COL6A5: variants seen among roughly 807,000 people sequenced by gnomAD.
COL6A5 encodes collagen type VI alpha 5 chain, also known as collagen alpha-5(VI) chain.
Under a neutral mutation model 65.6 loss-of-function variants are expected in COL6A5, and 48 were observed. The ratio of observed to expected loss-of-function variants is 0.73; its 90% CI spans 0.58 to 0.93. The LOEUF is 0.93. Among genes scored for constraint, COL6A5 ranks in the 40% least tolerant of loss-of-function variants. The probability of loss-of-function intolerance (pLI) is 0.00; values close to 1 mark genes in which losing one functional copy is unlikely to be tolerated. For missense variants in COL6A5, 914 were observed against 928.3 expected (o/e 0.98, Z 0.20); for synonymous variants, 291 against 322.8 (o/e 0.90, Z 1.05).
At chr3:130,413,820 T>TTA (rs1937256153) in intron 21 of COL6A5, among the ~76,000 whole-genome samples, 1 of 85,058 alleles carries the variant, frequency 1.2e-5, no homozygotes, top group African/African-American at 3.1e-5. Context: ...ATTCCAAATA[T>TTA]TGTGCATTTG....
intron 16 of COL6A5, 24 bp downstream of exon 16, chr3:130,406,199 C>CATA (rs761921638): frequency 1.4e-5 from 21 of 1,549,858 alleles, no homozygotes; most frequent in Non-Finnish European, 1.8e-5. Flanking sequence ...CTTCAAGTAT[C>CATA]ATAAAACTGT....
Position 130,380,001 on chromosome 3 carries a change from A to G in COL6A5, c.1251A>G (p.Ile417Met), listed in dbSNP as rs1389331181. ...TCCTGAAAAAGCTCCAGAATGAAAT[A>G]TGGTCCCAAATTTCTACTTATGCTG... The change falls in exon 4 of 42, where the codon ATA becomes ATG. Residue 417 changes from isoleucine to methionine, a missense_variant and NMD_transcript_variant. Ile to Met is a conservative substitution (Grantham distance 10). Transcript: ENST00000312481. 2 of 1,549,584 alleles carry G rather than the reference A, an allele frequency of 1.3e-6. No homozygotes were observed. Among genetic ancestry groups the G allele is most frequent in the Non-Finnish European group, 1.7e-6 (2 of 1,145,936 alleles).
chr3:130,373,666 C>T, exon 2 of COL6A5: 4 of 1,542,036 alleles, frequency 2.6e-6, no homozygotes, highest in Admixed American at 2.0e-5. Flanking sequence ...TATATTTGTC[C>T]TAATCATTTG....
At chr3:130,425,338 A>G (rs1020874846) in intron 29 of COL6A5, among the ~76,000 whole-genome samples, 1 of 152,114 alleles carries the variant, frequency 6.6e-6, no homozygotes, top group African/African-American at 2.4e-5. Context: ...GTCATTTAGA[A>G]CAGAGGTTCT....
intron 8 of COL6A5, among the ~76,000 whole-genome samples, 176 bp from the exon 9 acceptor site, chr3:130,397,407 A>G (rs1420521222): frequency 1.3e-5 from 2 of 152,004 alleles, no homozygotes; most frequent in Non-Finnish European, 2.9e-5. Context: ...ATGTATATAT[A>G]TGATATATGT....
intron 1 of COL6A5, among the ~76,000 whole-genome samples, chr3:130,346,501 A>C (rs992809221): frequency 6.6e-6 from 1 of 152,168 alleles, no homozygotes; most frequent in Non-Finnish European, 1.5e-5. Flanking sequence ...AATAACTTCT[A>C]AACACTCTTG....
At chr3:130,433,562 C>G (rs1937907327) in intron 1 of COL6A5, among the ~76,000 whole-genome samples, 1 of 152,100 alleles carries the variant, frequency 6.6e-6, no homozygotes. Context: ...TCTTCCCTGC[C>G]TTGCACTCTT....
chr3:130,401,505 C>T (rs2107664588), intron 11 of COL6A5, among the ~76,000 whole-genome samples: 1 of 152,314 alleles, frequency 6.6e-6, no homozygotes, highest in Middle Eastern at 3.4e-3. Flanking sequence ...CAAAGTTGGG[C>T]CATGGCCATC....
At chr3:130,380,116 G>A in intron 4 of COL6A5, 66 bp downstream of exon 4, 1 of 1,167,100 alleles carries the variant, frequency 8.6e-7, no homozygotes, top group Non-Finnish European at 1.2e-6. Flanking sequence ...GACTAGGGTG[G>A]GAGTGAGGAT....
chr3:130,441,698 T>A (rs1261919440), intron 3 of COL6A5, among the ~76,000 whole-genome samples: 2 of 152,168 alleles, frequency 1.3e-5, no homozygotes, highest in Non-Finnish European at 2.9e-5. Flanking sequence ...GAGGCATTAT[T>A]TGACAGTCAC....
At position 130,471,670 on chromosome 3, in the gene COL6A5, C is replaced by T; in HGVS notation, c.2328+703C>T. On this transcript the variant is annotated intron_variant, in intron 7 of 7. Transcript: ENST00000512836. ...CTAACTAATTTTTTATCTCTCTTCT[C>T]TATTACCTCAGACTTCTTCCTGGGA... The T allele has an allele frequency of 6.5e-7, 1 of 1,533,298 alleles. No homozygotes were observed. Among genetic ancestry groups the T allele is most frequent in the Non-Finnish European group, 8.7e-7 (1 of 1,145,378 alleles). The allele number at this position is 1,533,298 out of a possible 1,614,324, so 95.0% of individuals were successfully genotyped here.
chr3:130,395,497 G>T, intron 8 of COL6A5, 32 bp downstream of exon 8: 1 of 1,473,374 alleles, frequency 6.8e-7, no homozygotes, highest in Non-Finnish European at 9.1e-7. Flanking sequence ...TTCTTCCATG[G>T]AAACTTCTCA....
chr3:130,468,718 T>C (rs1489946428), intron 5 of COL6A5, 77 bp from the exon 38 acceptor site: 20 of 930,302 alleles, frequency 2.1e-5, no homozygotes, highest in Non-Finnish European at 1.6e-5. Flanking sequence ...CCTCATGCTG[T>C]GTATTTGCCA....
chr3:130,409,540 G>C (rs1559886464), intron 18 of COL6A5, among the ~76,000 whole-genome samples, 152 bp downstream of exon 18: 1 of 152,160 alleles, frequency 6.6e-6, no homozygotes, highest in Non-Finnish European at 1.5e-5. Context: ...GGAAAAGTCT[G>C]TTTGTGTCTT....
At position 130,460,060 on chromosome 3, in the gene COL6A5, C is replaced by T. The variant is rs76324845; in HGVS notation, c.1544+4394C>T. On this transcript the variant is annotated intron_variant, in intron 5 of 7. Coordinates refer to ENST00000512836, the Ensembl canonical transcript of COL6A5. ...CTCAATTTTGCTGTCATGTATCAAACTTGAATGTATATTTTTACTTGGGCT... is the reference window on the plus strand; with the variant it reads ...CTCAATTTTGCTGTCATGTATCAAATTTGAATGTATATTTTTACTTGGGCT... Among the ~76,000 whole-genome samples the T allele has an allele frequency of 5.7e-3, 862 of 152,028 alleles. 6 individuals are homozygous for T. Among genetic ancestry groups the T allele is most frequent in the African/African-American group, 0.02 (814 of 41,488 alleles).
intron 1 of COL6A5, among the ~76,000 whole-genome samples, chr3:130,349,311 C>T (rs528015478): frequency 6.6e-6 from 1 of 152,314 alleles, no homozygotes; most frequent in South Asian, 2.1e-4. Context: ...AATGGAAGAA[C>T]ACCATCTTTG....
rs1390678267 is a variant in COL6A5 at position 130,373,600 on chromosome 3, T to C, written c.-28-11T>C. 2 of 1,257,778 alleles carry C rather than the reference T, an allele frequency of 1.6e-6. No homozygotes were observed. Among genetic ancestry groups the C allele is most frequent in the Non-Finnish European group, 2.2e-6 (2 of 889,656 alleles). 77.9% of individuals were successfully genotyped at this position (1,257,778 alleles called of 1,614,324 possible). A position where few individuals can be genotyped will look rare whatever the true frequency, so the allele number is the denominator to read the frequency against. Reference sequence around the variant, plus strand: ...AAAATTTTTCATAATGTAAATAATTTTCTTTTGCAGAACAAAAGTAAAAAT... The same window carrying C: ...AAAATTTTTCATAATGTAAATAATTCTCTTTTGCAGAACAAAAGTAAAAAT... On this transcript the variant is annotated splice_polypyrimidine_tract_variant and intron_variant and NMD_transcript_variant, in intron 1 of 41. Transcript: ENST00000312481.
At chr3:130,363,673 AT>A (rs1935222376) in intron 1 of COL6A5, among the ~76,000 whole-genome samples, 1 of 152,070 alleles carries the variant, frequency 6.6e-6, no homozygotes, top group African/African-American at 2.4e-5. Flanking sequence ...ATAATGAGAA[AT>A]TTTTTCTTTT....
intron 25 of COL6A5, among the ~76,000 whole-genome samples, chr3:130,419,663 A>G (rs558278694): frequency 2.0e-5 from 3 of 152,282 alleles, no homozygotes; most frequent in East Asian, 3.9e-4. Flanking sequence ...TAAACCAGGC[A>G]TGGAAAGTTA....
Sources: gnomAD v4.1 joint callset for allele counts (sites outside exome capture counted in the v4.1 genomes callset) on GRCh38, gnomAD v4.1.1 for gene constraint, MANE v1.5 for transcripts, NCBI Gene and HGNC (gene_info 2026-07-23, HGNC 2026-07-21) for gene names.